PTPN2: variants seen among roughly 807,000 people sequenced by gnomAD.
The protein encoded by PTPN2 is protein tyrosine phosphatase non-receptor type 2.
PTPN2 carries 19 observed loss-of-function variants against 57.3 expected under a neutral mutation model. The ratio of observed to expected loss-of-function variants is 0.33; its 90% CI spans 0.23 to 0.49. The LOEUF (loss-of-function observed/expected upper bound fraction) is 0.49, where lower values mean the gene tolerates loss of function less well. Ranked by LOEUF, PTPN2 falls within the 20% of genes least tolerant of loss-of-function variation. The probability of loss-of-function intolerance (pLI) is 0.99; values close to 1 mark genes in which losing one functional copy is unlikely to be tolerated. For synonymous variants in PTPN2, 153 were observed against 164.9 expected, an observed-to-expected ratio of 0.93 and a Z score of 0.55; for missense variants, 358 against 501.1, an observed-to-expected ratio of 0.71 and a Z score of 2.73.
At chr18:12,835,880 T>C (rs1315238318) in intron 3 of PTPN2, among the ~76,000 whole-genome samples, 2 of 152,232 alleles carry the variant, frequency 1.3e-5, no homozygotes, top group African/African-American at 4.8e-5. Context: ...TTATGTCCTT[T>C]GCCAGTTTTT....
At chr18:12,870,303 A>G (rs1348570096) in intron 1 of PTPN2, among the ~76,000 whole-genome samples, 31 of 83,956 alleles carry the variant, frequency 3.7e-4, no homozygotes, top group African/African-American at 2.1e-3. Context: ...ATATATGTGT[A>G]TATATACATA....
intron 2 of PTPN2, among the ~76,000 whole-genome samples, chr18:12,849,881 T>A (rs1209222349): frequency 1.3e-5 from 2 of 152,176 alleles, no homozygotes; most frequent in Non-Finnish European, 2.9e-5. Flanking sequence ...TTCTAAAAAA[T>A]CATATTTACT....
At chr18:12,860,215 G>A (rs1416307325) in intron 1 of PTPN2, among the ~76,000 whole-genome samples, 1 of 151,824 alleles carries the variant, frequency 6.6e-6, no homozygotes, top group African/African-American at 2.4e-5. Flanking sequence ...CTTGAACCCG[G>A]GAGGTGGAGG....
chr18:12,881,627 C>T (rs2044669456), intron 1 of PTPN2, among the ~76,000 whole-genome samples: 1 of 152,168 alleles, frequency 6.6e-6, no homozygotes, highest in Non-Finnish European at 1.5e-5. Flanking sequence ...TTGTGCACTC[C>T]CTCCTTGCTG....
intron 2 of PTPN2, among the ~76,000 whole-genome samples, chr18:12,847,435 T>C (rs1177169339): frequency 4.6e-5 from 7 of 152,180 alleles, no homozygotes; most frequent in African/African-American, 1.7e-4. Flanking sequence ...AGTTCAGGTA[T>C]CTAAAGTCAG....
At chr18:12,817,402 C>CT in intron 5 of PTPN2, 37 bp from the exon 6 acceptor site, 2 of 1,524,714 alleles carry the variant, frequency 1.3e-6, no homozygotes, top group Non-Finnish European at 1.8e-6. Context: ...TTAGTTCTAA[C>CT]TTTTTTCTTT....
chr18:12,873,194 C>T (rs1346926259), intron 1 of PTPN2, among the ~76,000 whole-genome samples: 2 of 151,148 alleles, frequency 1.3e-5, no homozygotes, highest in Admixed American at 6.6e-5. Context: ...GCACTCCAGC[C>T]TGGTTGACAG....
rs762765433 is a variant in PTPN2, at chr18:12,794,341, C to A, written c.1185G>T (p.Met395Ile). 2 of 1,614,236 alleles carry A rather than the reference C, an allele frequency of 1.2e-6. No homozygotes were observed. The highest frequency in any genetic ancestry group is 3.3e-5 in the Admixed American group (2 of 60,030). ...WQPILTKMGF[M>I]SVILVGAFVG... is the part of the protein sequence containing the mutation. ...CAAAAGCGCCAACCAAAATGACTGA[C>A]ATAAACCCCATCTTAGTGAGAATAG... Residue 395 changes from methionine (M) to isoleucine (I), a missense_variant, in exon 9 of 9, where the codon ATG becomes ATT. Physicochemically the swap from Met to Ile is conservative, Grantham distance 10. Coordinates refer to ENST00000309660, the MANE Select transcript of PTPN2 (RefSeq NM_002828.4).
intron 7 of PTPN2, among the ~76,000 whole-genome samples, chr18:12,804,289 C>CAAAAAAAAAAAAAAAAAA (rs59927276): frequency 2.9e-5 from 2 of 67,866 alleles, no homozygotes; most frequent in Admixed American, 2.0e-4. Flanking sequence ...GAAACTGTCT[C>CAAAAAAAAAAAAAAAAAA]AAAAAAAAAA....
chr18:12,882,955 G>A (rs193241449), intron 1 of PTPN2, among the ~76,000 whole-genome samples: 7 of 152,274 alleles, frequency 4.6e-5, no homozygotes, highest in African/African-American at 1.7e-4. Context: ...TTAAACGAAG[G>A]GGAAAGCAGT....
chr18:12,796,412 G>T (rs1360515580), intron 8 of PTPN2, among the ~76,000 whole-genome samples: 1 of 152,042 alleles, frequency 6.6e-6, no homozygotes. Context: ...TATTAAAAAA[G>T]CTATATGGTG....
chr18:12,881,463 G>T (rs1473441466), intron 1 of PTPN2, among the ~76,000 whole-genome samples: 1 of 152,098 alleles, frequency 6.6e-6, no homozygotes, highest in Non-Finnish European at 1.5e-5. Context: ...TATGATCATG[G>T]TATTTCCAGA....
chr18:12,869,445 G>A lies in PTPN2; in HGVS notation c.70-10191C>T, dbSNP rs1181812589. 3.9e-5 allele frequency among the ~76,000 whole-genome samples: 6 copies of A among 152,214 alleles called. No homozygotes were observed. In the East Asian group the frequency reaches 1.2e-3, roughly 29 times the overall value. On this transcript the variant is annotated intron_variant, in intron 1 of 8. Transcript: ENST00000309660. ...CAAAGCGCTGGTATCACAGGCGTGA[G>A]CCATGGCGCCTGGTTTTGAAGTTTT...
chr18:12,877,060 G>A (rs1186344477), intron 1 of PTPN2, among the ~76,000 whole-genome samples: 2 of 152,196 alleles, frequency 1.3e-5, no homozygotes, highest in Non-Finnish European at 2.9e-5. Context: ...TGTAACATCA[G>A]ATAAGTCACA....
In PTPN2 at chr18:12,830,944, G is replaced by A. The variant is rs758414586; in HGVS notation, c.359C>T (p.Ser120Leu). 7 of 1,579,274 alleles carry A rather than the reference G, an allele frequency of 4.4e-6. No homozygotes were observed. Among genetic ancestry groups the A allele is most frequent in the South Asian group, 3.3e-5 (3 of 90,250 alleles). Residue 120 changes from serine to leucine, a missense_variant and splice_region_variant, in exon 4 of 9, where the codon TCG (serine) becomes TTG (leucine). By Grantham distance (145) the Ser-to-Leu change is moderately radical. Around this residue, in one of 4 missense-constraint regions of PTPN2, gnomAD observed 193 missense variants for 315.4 expected, o/e 0.61. Coordinates refer to ENST00000309660, the MANE Select transcript of PTPN2 (RefSeq NM_002828.4). ...VMLNRIVEKE[S>L]VKCAQYWPTD... Reference sequence around the variant, plus strand: ...TTGTAAATATTAAATATTACTCACCGATTCTTTCTCCACAATGCGGTTCAG... The same window carrying A: ...TTGTAAATATTAAATATTACTCACCAATTCTTTCTCCACAATGCGGTTCAG...
At chr18:12,853,475 G>C (rs1288878190) in intron 2 of PTPN2, among the ~76,000 whole-genome samples, 1 of 152,144 alleles carries the variant, frequency 6.6e-6, no homozygotes, top group African/African-American at 2.4e-5. Context: ...ATGACTATCA[G>C]TTGGAAAAGG....
intron 1 of PTPN2, among the ~76,000 whole-genome samples, chr18:12,861,198 T>C (rs1307390306): frequency 1.3e-5 from 2 of 152,194 alleles, no homozygotes; most frequent in Non-Finnish European, 2.9e-5. Context: ...ATGAAACTTC[T>C]CCATTTTTCT....
At chr18:12,811,381 T>C (rs992534776) in intron 7 of PTPN2, among the ~76,000 whole-genome samples, 3 of 152,152 alleles carry the variant, frequency 2.0e-5, no homozygotes, top group African/African-American at 7.2e-5. Context: ...CACTCAACAA[T>C]GTCAACAAAT....
chr18:12,848,568 T>A (rs896833226), intron 2 of PTPN2, among the ~76,000 whole-genome samples: 1 of 152,246 alleles, frequency 6.6e-6, no homozygotes, highest in African/African-American at 2.4e-5. Context: ...TGCCTTGTGA[T>A]AAAGTCCAGG....
Sources: allele counts gnomAD v4.1 joint callset (sites outside exome capture counted in the v4.1 genomes callset), GRCh38; gene constraint gnomAD v4.1.1; regional missense constraint gnomAD v4.1.1; transcripts MANE v1.5; gene names NCBI Gene and HGNC (gene_info 2026-07-23, HGNC 2026-07-21).